The following PRKAG2 variants were observed in gnomAD, a reference collection of about 807,000 sequenced individuals.
PRKAG2 encodes protein kinase AMP-activated non-catalytic subunit gamma 2.
In PRKAG2, 26 loss-of-function variants were observed where a neutral mutation model predicts 69.6. That is an observed-to-expected ratio of 0.37 (90% CI 0.27 to 0.52). PRKAG2 has a LOEUF of 0.52. Among genes scored for constraint, PRKAG2 ranks in the 20% least tolerant of loss-of-function variants. The pLI, the probability that PRKAG2 is intolerant of heterozygous loss-of-function variation, is 0.90. For missense variants in PRKAG2, 557 were observed against 740.0 expected (o/e 0.75, Z 2.87); for synonymous variants, 293 against 285.0 (o/e 1.03, Z -0.28).
At chr7:151,845,149 G>C (rs745846847) in intron 1 of PRKAG2, among the ~76,000 whole-genome samples, 1 of 151,768 alleles carries the variant, frequency 6.6e-6, no homozygotes, top group East Asian at 1.9e-4. Context: ...TCACTGCTCG[G>C]CATCCCTCTC....
intron 1 of PRKAG2, among the ~76,000 whole-genome samples, chr7:151,791,860 C>T (rs1428067784): frequency 6.6e-6 from 1 of 152,236 alleles, no homozygotes; most frequent in African/African-American, 2.4e-5. Context: ...CTTCTGAAAT[C>T]TCCCAACTGT....
intron 1 of PRKAG2, among the ~76,000 whole-genome samples, chr7:151,815,933 C>A (rs1156244053): frequency 1.3e-5 from 2 of 152,292 alleles, no homozygotes; most frequent in South Asian, 2.1e-4. Flanking sequence ...AGGCTTCTTC[C>A]ACGAGCCTGT....
At chr7:151,721,465 C>T (rs1797101590) in intron 3 of PRKAG2, among the ~76,000 whole-genome samples, 1 of 152,104 alleles carries the variant, frequency 6.6e-6, no homozygotes, top group South Asian at 2.1e-4. Flanking sequence ...GCCTGGCTCC[C>T]CAGAGCACGT....
intron 13 of PRKAG2, 85 bp from the exon 14 acceptor site, chr7:151,564,309 T>C: frequency 6.7e-7 from 1 of 1,488,854 alleles, no homozygotes; most frequent in Admixed American, 1.7e-5. Context: ...GAGAGCCTGA[T>C]TTCTAAAAAC....
intron 3 of PRKAG2, among the ~76,000 whole-genome samples, chr7:151,677,280 G>A (rs1563406010): frequency 6.6e-6 from 1 of 152,012 alleles, no homozygotes; most frequent in South Asian, 2.1e-4. Context: ...TCTGCCTCCC[G>A]GGTTCAAGCG....
At position 151,786,475 on chromosome 7, in the gene PRKAG2, G is replaced by T. The variant is rs770100112; in HGVS notation, c.181C>A (p.Arg61=). The change falls in exon 2 of 16, where the codon CGA becomes AGA. Residue 61 remains arginine (R), a synonymous_variant. Coordinates refer to ENST00000287878, the MANE Select transcript of PRKAG2 (RefSeq NM_016203.4). ...TTCTGGAAAGGAGGTCTTACCTTTC[G>T]AGAGGAATGCTTTCCGGAACCCTCC... ...DLEGSGKHSS[R]KVDSPFGPGS... 1.2e-6 allele frequency: 2 copies of T among 1,611,412 alleles called. No homozygotes were observed. Among genetic ancestry groups the T allele is most frequent in the African/African-American group, 2.7e-5 (2 of 74,910 alleles).
At chr7:151,861,523 G>T (rs1303346843) in intron 1 of PRKAG2, among the ~76,000 whole-genome samples, 8 of 52,558 alleles carry the variant, frequency 1.5e-4, no homozygotes, top group Non-Finnish European at 2.8e-4. Flanking sequence ...ATAAGACTCT[G>T]TCTCCAAAAA....
In PRKAG2 at chr7:151,681,542, G is replaced by T. The variant is rs117332105; in HGVS notation, c.467-5905C>A. 9.4e-3 allele frequency among the ~76,000 whole-genome samples: 1,437 copies of T among 152,172 alleles called. 7 individuals carry two copies. The highest frequency in any genetic ancestry group is 0.015 in the Non-Finnish European group (1,003 of 67,996). On this transcript the variant is annotated intron_variant, in intron 3 of 15. Transcript: ENST00000287878. ...ATGCCCTATCTGTTGACTGATACCC[G>T]AAATGTTTTTAAGAGGGGGTAGAGT...
intron 3 of PRKAG2, among the ~76,000 whole-genome samples, chr7:151,715,470 C>T (rs1227388544): frequency 6.6e-6 from 1 of 151,820 alleles, no homozygotes; most frequent in Non-Finnish European, 1.5e-5. Context: ...TCTCCTGTCT[C>T]AGCCTCCCAA....
At chr7:151,875,468 G>A (rs921476999) in intron 1 of PRKAG2, among the ~76,000 whole-genome samples, 2 of 152,178 alleles carry the variant, frequency 1.3e-5, no homozygotes, top group Admixed American at 6.5e-5. Flanking sequence ...CTGTCGGGAA[G>A]GATTAGCTTT....
chr7:151,678,468 A>G (rs1318494759), intron 3 of PRKAG2, among the ~76,000 whole-genome samples: 2 of 151,770 alleles, frequency 1.3e-5, no homozygotes, highest in African/African-American at 4.8e-5. Context: ...TGTCCGGGGG[A>G]GGTTTAGGAA....
chr7:151,624,281 G>A (rs1424098893), intron 5 of PRKAG2, among the ~76,000 whole-genome samples: 1 of 151,570 alleles, frequency 6.6e-6, no homozygotes, highest in Non-Finnish European at 1.5e-5. Flanking sequence ...CAGGAGGCAT[G>A]GGACTCACCT....
At chr7:151,589,466 C>T (rs4726057) in intron 6 of PRKAG2, among the ~76,000 whole-genome samples, 29,218 of 152,170 alleles carry the variant, frequency 0.19, 3,431 homozygotes, top group African/African-American at 0.33. Context: ...AAAGTTCCAG[C>T]TGATGCTGAA....
chr7:151,855,302 C>T (rs111219471), intron 1 of PRKAG2, among the ~76,000 whole-genome samples: 1 of 71,716 alleles, frequency 1.4e-5, no homozygotes, highest in Admixed American at 1.5e-4. Context: ...ACACACCACC[C>T]TCCACACACA....
intron 3 of PRKAG2, among the ~76,000 whole-genome samples, chr7:151,729,545 C>T (rs1269229806): frequency 1.3e-5 from 2 of 152,142 alleles, no homozygotes; most frequent in African/African-American, 2.4e-5. Context: ...TTGGGCAGGC[C>T]AGTCCTTAGC....
rs1811206606 is a variant in PRKAG2 at position 151,584,565 on chromosome 7, A to G, written c.865-8113T>C. Among the ~76,000 whole-genome samples, 3 of 152,326 alleles carry G rather than the reference A, an allele frequency of 2.0e-5. 1 individual carries two copies. The highest frequency in any genetic ancestry group is 4.1e-4 in the South Asian group (2 of 4,830). ...TTAAAGATCAACTCGGGGGTCTCAG[A>G]GCTGCTCACTGAAGTTCCGGAGAAA... On this transcript the variant is annotated intron_variant, in intron 6 of 15. Transcript: ENST00000287878.
intron 3 of PRKAG2, among the ~76,000 whole-genome samples, chr7:151,768,663 C>T (rs1458231210): frequency 6.6e-6 from 1 of 152,164 alleles, no homozygotes; most frequent in Non-Finnish European, 1.5e-5. Context: ...GACAGGGTTT[C>T]GCCATGTTGG....
intron 4 of PRKAG2, among the ~76,000 whole-genome samples, chr7:151,633,393 C>T (rs55889096): frequency 6.6e-6 from 1 of 151,886 alleles, no homozygotes; most frequent in Non-Finnish European, 1.5e-5. Context: ...CAACATGGTT[C>T]TAGAAGTACT....
intron 1 of PRKAG2, among the ~76,000 whole-genome samples, chr7:151,846,431 G>A (rs1189060817): frequency 6.7e-6 from 1 of 150,036 alleles, no homozygotes; most frequent in Non-Finnish European, 1.5e-5. Context: ...TCGCACCACT[G>A]CACTCCAGCC....
Sources: gnomAD v4.1 joint callset for allele counts (sites outside exome capture counted in the v4.1 genomes callset) on GRCh38, gnomAD v4.1.1 for gene constraint, MANE v1.5 for transcripts, NCBI Gene and HGNC (gene_info 2026-07-23, HGNC 2026-07-21) for gene names.